SMIM38: variants seen among roughly 807,000 people sequenced by gnomAD.
SMIM38 encodes small integral membrane protein 38.
rs564527466 is a variant in SMIM38, at chr11:69,158,092, G to A, written c.*90G>A. 1,076 of 397,968 alleles carry A rather than the reference G, an allele frequency of 2.7e-3. 13 individuals carry two copies. The highest frequency in any genetic ancestry group is 0.015 in the African/African-American group (737 of 48,748). 24.7% of individuals were successfully genotyped at this position (397,968 alleles called of 1,614,324 possible). A position where few individuals can be genotyped will look rare whatever the true frequency, so the allele number is the denominator to read the frequency against. On this transcript the variant is annotated 3_prime_UTR_variant, in exon 2 of 3. Coordinates refer to ENST00000686237, the MANE Select transcript of SMIM38 (RefSeq NM_001369201.2). The stretch of plus-strand genomic sequence containing the variant: ...TGGGAGGGAGGGGAGCAGGGCAGGC[G>A]CATGATCCCCATGTCCCACCCCTGG...
At chr11:69,155,785 C>T (rs1375426844), upstream of SMIM38, 1 of 152,254 alleles carries the variant, frequency 6.6e-6, no homozygotes, top group African/African-American at 2.4e-5. Context: ...ATGGGCTTCC[C>T]CAGGAAGTCG....
intron 1 of SMIM38, among the ~76,000 whole-genome samples, chr11:69,156,609 TGC>T (rs1555009609): frequency 7.2e-6 from 1 of 139,596 alleles, no homozygotes; most frequent in Admixed American, 7.3e-5. Context: ...TGTGTGTGTG[TGC>T]GCGCGTGTGG....
Position 69,161,984 on chromosome 11 carries a change from A to C in SMIM38, c.*3888A>C, listed in dbSNP as rs1857057767. The C allele has an allele frequency of 6.6e-6, 1 of 152,238 alleles. No individual in the cohort carries two copies. Among genetic ancestry groups the C allele is most frequent in the Non-Finnish European group, 1.5e-5 (1 of 68,054 alleles). 9.4% of individuals were successfully genotyped at this position (152,238 alleles called of 1,614,324 possible). On this transcript the variant is annotated 3_prime_UTR_variant, in exon 3 of 3. Coordinates refer to ENST00000686237, the MANE Select transcript of SMIM38 (RefSeq NM_001369201.2). ...CAGAGCCAGGTGAGGACACAGGGAG[A>C]AAATGGCCACGTACAAGCCAAGATG...
Position 69,157,768 on chromosome 11 carries a change from C to G in SMIM38, c.-79C>G. 2.5e-6 allele frequency: 1 copy of G among 398,202 alleles called. No homozygotes were observed. Among genetic ancestry groups the G allele is most frequent in the Non-Finnish European group, 4.4e-6 (1 of 225,990 alleles). The allele number at this position is 398,202 out of a possible 1,614,324, so 24.7% of individuals were successfully genotyped here. On this transcript the variant is annotated 5_prime_UTR_variant, in exon 2 of 3. Coordinates refer to ENST00000686237, the MANE Select transcript of SMIM38 (RefSeq NM_001369201.2). The stretch of plus-strand genomic sequence containing the variant: ...CTGCACAGCAGCCACTTGGCAGTGC[C>G]GGGCTAGGGTGGCAGGGCCCCACTG...
rs1555009601 is a variant in SMIM38, at chr11:69,156,591, C to CGCGT, written c.-674+478_-674+479insCGTG. Among the ~76,000 whole-genome samples, 589 of 150,810 alleles carry CGCGT rather than the reference C, an allele frequency of 3.9e-3. 2 individuals are homozygous for CGCGT. Among genetic ancestry groups the CGCGT allele is most frequent in the African/African-American group, 0.012 (513 of 41,094 alleles). On this transcript the variant is annotated intron_variant, in intron 1 of 2. Coordinates refer to ENST00000686237, the MANE Select transcript of SMIM38 (RefSeq NM_001369201.2). Reference sequence around the variant, plus strand: ...GCACACACATGTATACATGTGTATGCGTGTGTGTGTGTGTGTGTGCGCGCG... The same window carrying CGCGT: ...GCACACACATGTATACATGTGTATGCGCGTGTGTGTGTGTGTGTGTGTGCGCGCG...
rs1857005551 is a variant in SMIM38 at position 69,157,595 on chromosome 11, A to C, written c.-252A>C. ...ACCAAGGAGGCTGCTCGTCGTCCCC[A>C]GTCTGTCCTCTCACATGCCAGGGAG... On this transcript the variant is annotated 5_prime_UTR_variant, in exon 2 of 3. Coordinates refer to ENST00000686237, the MANE Select transcript of SMIM38 (RefSeq NM_001369201.2). The C allele has an allele frequency of 2.7e-6, 1 of 377,354 alleles. No homozygotes were observed. Among genetic ancestry groups the C allele is most frequent in the African/African-American group, 2.1e-5 (1 of 48,202 alleles). The allele number at this position is 377,354 out of a possible 1,614,324, so 23.4% of individuals were successfully genotyped here.
chr11:69,161,783 C>T lies in SMIM38; in HGVS notation c.*3687C>T, dbSNP rs1197775808. 6.6e-6 allele frequency: 1 copy of T among 152,152 alleles called. No individual in the cohort carries two copies. The highest frequency in any genetic ancestry group is 1.5e-5 in the Non-Finnish European group (1 of 68,040). 9.4% of individuals were successfully genotyped at this position (152,152 alleles called of 1,614,324 possible). A position where few individuals can be genotyped will look rare whatever the true frequency, so the allele number is the denominator to read the frequency against. ...TAGTGTTAGGGCTGGAATGTCTTCCCCCCAATTCATATGTTGAACCTTTAA... is the reference window on the plus strand; with the variant it reads ...TAGTGTTAGGGCTGGAATGTCTTCCTCCCAATTCATATGTTGAACCTTTAA... On this transcript the variant is annotated 3_prime_UTR_variant, in exon 3 of 3. Transcript: ENST00000686237.
In SMIM38 at chr11:69,157,287, C is replaced by T. The variant is rs1857000022; in HGVS notation, c.-560C>T. 1.3e-5 allele frequency: 2 copies of T among 152,328 alleles called. No individual in the cohort carries two copies. Among genetic ancestry groups the T allele is most frequent in the Admixed American group, 1.3e-4 (2 of 15,292 alleles). The allele number at this position is 152,328 out of a possible 1,614,324, so 9.4% of individuals were successfully genotyped here. A position where few individuals can be genotyped will look rare whatever the true frequency, so the allele number is the denominator to read the frequency against. ...GTGGGCCGGCGCTGGACGGCGCGGCCTCCAGAAGTGATAGCTAATTGGGGA... is the reference window on the plus strand; with the variant it reads ...GTGGGCCGGCGCTGGACGGCGCGGCTTCCAGAAGTGATAGCTAATTGGGGA... On this transcript the variant is annotated 5_prime_UTR_variant, in exon 2 of 3. Transcript: ENST00000686237.
rs1030988147 is a variant in SMIM38, at chr11:69,158,389, C to T, written c.*387C>T. The T allele has an allele frequency of 1.2e-5, 2 of 160,860 alleles. No homozygotes were observed. Among genetic ancestry groups the T allele is most frequent in the African/African-American group, 4.8e-5 (2 of 41,846 alleles). 10.0% of individuals were successfully genotyped at this position (160,860 alleles called of 1,614,324 possible). On this transcript the variant is annotated 3_prime_UTR_variant, in exon 2 of 3. Transcript: ENST00000686237. ...GGTGCCACAGAGACAAATGTGACCT[C>T]ATCACAAGCTGGCCCTGTTACCAAA...
At position 69,162,336 on chromosome 11, in the gene SMIM38, C is replaced by T. The variant is rs536449664; in HGVS notation, c.*4240C>T. On this transcript the variant is annotated 3_prime_UTR_variant, in exon 3 of 3. Transcript: ENST00000686237. ...TGCGTACTGGCTATTGAAGACTTGG[C>T]ACAGAAAAATAATGTAAAATCTCAT... 2.5e-4 allele frequency: 38 copies of T among 152,186 alleles called. No homozygotes were observed. Among genetic ancestry groups the T allele is most frequent in the African/African-American group, 7.9e-4 (33 of 41,514 alleles). The allele number at this position is 152,186 out of a possible 1,614,324, so 9.4% of individuals were successfully genotyped here. A position where few individuals can be genotyped will look rare whatever the true frequency, so the allele number is the denominator to read the frequency against.
At chr11:69,155,858 C>G (rs937336054), upstream of SMIM38, 1 of 152,288 alleles carries the variant, frequency 6.6e-6, no homozygotes, top group African/African-American at 2.4e-5. Context: ...ATGACTTACT[C>G]TATGACGGGG....
Position 69,158,279 on chromosome 11 carries a change from GTC to G in SMIM38, c.*279_*280del, listed in dbSNP as rs1447799728. 1 of 319,834 alleles carries G rather than the reference GTC, an allele frequency of 3.1e-6. No homozygotes were observed. The highest frequency in any genetic ancestry group is 4.9e-5 in the East Asian group (1 of 20,406). The allele number at this position is 319,834 out of a possible 1,614,324, so 19.8% of individuals were successfully genotyped here. ...TTGCAGGGAGTGGTCCTGGGGGTGGGTCTTGCTTTAAGACCTTCTCTGCCTCC... is the reference window on the plus strand; with the variant it reads ...TTGCAGGGAGTGGTCCTGGGGGTGGGTTGCTTTAAGACCTTCTCTGCCTCC... On this transcript the variant is annotated 3_prime_UTR_variant, in exon 2 of 3. Transcript: ENST00000686237.
intron 1 of SMIM38, among the ~76,000 whole-genome samples, chr11:69,156,434 GA>G (rs1856987534): frequency 6.6e-6 from 1 of 152,220 alleles, no homozygotes; most frequent in Non-Finnish European, 1.5e-5. Context: ...CTTGGAGTTA[GA>G]GGGGGCAGTT....
In SMIM38 at chr11:69,161,871, A is replaced by G. The variant is rs189344013; in HGVS notation, c.*3775A>G. On this transcript the variant is annotated 3_prime_UTR_variant, in exon 3 of 3. Transcript: ENST00000686237. The stretch of plus-strand genomic sequence containing the variant: ...TGGTCTTTACAGAGGGAATAAAGTT[A>G]AAATAAGGTCATTAGGGTGAGCCCT... 2.6e-5 allele frequency: 4 copies of G among 152,304 alleles called. No individual in the cohort carries two copies. The highest frequency in any genetic ancestry group is 7.2e-5 in the African/African-American group (3 of 41,562). The allele number at this position is 152,304 out of a possible 1,614,324, so 9.4% of individuals were successfully genotyped here.
intron 1 of SMIM38, among the ~76,000 whole-genome samples, 160 bp from the exon 2 acceptor site, chr11:69,157,014 C>A (rs1337523407): frequency 6.6e-6 from 1 of 152,214 alleles, no homozygotes; most frequent in Non-Finnish European, 1.5e-5. Flanking sequence ...TCCACCGGTC[C>A]CCTTCCTGGG....
rs1349504965 is a variant in SMIM38, at chr11:69,159,931, G to T, written c.*1835G>T. ...AGAGCTAGGAGGGCCAGCTGTTCCG[G>T]GTTGCCCAGGGCTGTCTTGTTTTTA... On this transcript the variant is annotated 3_prime_UTR_variant, in exon 3 of 3. Transcript: ENST00000686237. 2 of 152,188 alleles carry T rather than the reference G, an allele frequency of 1.3e-5. No homozygotes were observed. The highest frequency in any genetic ancestry group is 4.8e-5 in the African/African-American group (2 of 41,428). 9.4% of individuals were successfully genotyped at this position (152,188 alleles called of 1,614,324 possible). A position where few individuals can be genotyped will look rare whatever the true frequency, so the allele number is the denominator to read the frequency against.
rs1402638586 is a variant in SMIM38, at chr11:69,158,181, A to G, written c.*179A>G. 3 of 393,572 alleles carry G rather than the reference A, an allele frequency of 7.6e-6. No individual in the cohort carries two copies. Among genetic ancestry groups the G allele is most frequent in the Non-Finnish European group, 8.9e-6 (2 of 223,538 alleles). The allele number at this position is 393,572 out of a possible 1,614,324, so 24.4% of individuals were successfully genotyped here. On this transcript the variant is annotated 3_prime_UTR_variant, in exon 2 of 3. Coordinates refer to ENST00000686237, the MANE Select transcript of SMIM38 (RefSeq NM_001369201.2). ...CCCAGACTGACCAGGGCTGTCCCGT[A>G]GAGGCAGCTGGCCATGTGGGGAGAT...
At position 69,160,697 on chromosome 11, in the gene SMIM38, C is replaced by T. The variant is rs1857045586; in HGVS notation, c.*2601C>T. On this transcript the variant is annotated 3_prime_UTR_variant, in exon 3 of 3. Coordinates refer to ENST00000686237, the MANE Select transcript of SMIM38 (RefSeq NM_001369201.2). The stretch of plus-strand genomic sequence containing the variant: ...TCTTTTCTTTTTCTTAAGTCTGTTT[C>T]ATTGGTTTCTGTTCCTGGAAAATGG... 6.6e-6 allele frequency: 1 copy of T among 152,240 alleles called. No homozygotes were observed. The highest frequency in any genetic ancestry group is 2.1e-4 in the South Asian group (1 of 4,836). 9.4% of individuals were successfully genotyped at this position (152,240 alleles called of 1,614,324 possible).
intron 1 of SMIM38, among the ~76,000 whole-genome samples, chr11:69,156,336 C>T (rs1258837099): frequency 6.6e-6 from 1 of 152,236 alleles, no homozygotes; most frequent in Non-Finnish European, 1.5e-5. Flanking sequence ...ACTGGCCGGA[C>T]TCCCAGGACC....
Sources: allele counts gnomAD v4.1 joint callset (sites outside exome capture counted in the v4.1 genomes callset), GRCh38; gene constraint gnomAD v4.1.1; transcripts MANE v1.5; gene names NCBI Gene and HGNC (gene_info 2026-07-23, HGNC 2026-07-21).